Variants in AP2A2 observed in about 807,000 individuals in gnomAD.
AP2A2 encodes the protein AP-2 complex subunit alpha-2.
Under a neutral mutation model 104.2 loss-of-function variants are expected in AP2A2, and 32 were observed. That is an observed-to-expected ratio of 0.31 (90% CI 0.23 to 0.41). The LOEUF (loss-of-function observed/expected upper bound fraction) is 0.41, where lower values mean the gene tolerates loss of function less well. Ranked by LOEUF, AP2A2 falls within the 10% of genes least tolerant of loss-of-function variation. The pLI is 1.00. For missense variants in AP2A2, 912 were observed against 1,261.0 expected, an observed-to-expected ratio of 0.72 and a Z score of 4.19; for synonymous variants, 539 against 533.3, an observed-to-expected ratio of 1.01 and a Z score of -0.15.
At chr11:977,948 C>T (rs1315064606) in intron 5 of AP2A2, among the ~76,000 whole-genome samples, 2 of 152,114 alleles carry the variant, frequency 1.3e-5, no homozygotes, top group Non-Finnish European at 2.9e-5. Flanking sequence ...CCCATCCTGG[C>T]GGGGGAGCCT....
In AP2A2 at chr11:984,911, C is replaced by T. The variant is rs189328495; in HGVS notation, c.814+158C>T. Among the ~76,000 whole-genome samples the T allele has an allele frequency of 8.5e-5, 13 of 152,336 alleles. No homozygotes were observed. In the East Asian group the frequency reaches 1.7e-3, roughly 20 times the overall value. On this transcript the variant is annotated intron_variant, in intron 7 of 21. Coordinates refer to ENST00000448903, the MANE Select transcript of AP2A2 (RefSeq NM_012305.4). ...CAGTGCTGCTGTATGCGCTGGCTTT[C>T]GTGGAGCAGTTATTGCAGAGCCTAC...
At chr11:936,206 CTTT>C (rs982315120) in intron 1 of AP2A2, among the ~76,000 whole-genome samples, 1 of 110,050 alleles carries the variant, frequency 9.1e-6, no homozygotes. Flanking sequence ...TGCGCCTGGC[CTTT>C]TTTTTTTTTT....
At chr11:935,508 G>C (rs1589942703) in intron 1 of AP2A2, among the ~76,000 whole-genome samples, 1 of 151,724 alleles carries the variant, frequency 6.6e-6, no homozygotes. Flanking sequence ...CGCCGTGTTG[G>C]CCAGGCTGGT....
intron 4 of AP2A2, among the ~76,000 whole-genome samples, chr11:974,682 CAA>C (rs747053947): frequency 1.2e-4 from 6 of 49,602 alleles, no homozygotes; most frequent in Admixed American, 2.5e-4. Flanking sequence ...GACTCTGTCT[CAA>C]AAAAAAAAAA....
chr11:988,049 G>A (rs995184803), intron 9 of AP2A2, among the ~76,000 whole-genome samples: 4 of 152,262 alleles, frequency 2.6e-5, no homozygotes, highest in Non-Finnish European at 5.9e-5. Flanking sequence ...CAGTGCTAGC[G>A]CTGGTGGTGC....
At chr11:936,245 T>G (rs1293142810) in intron 1 of AP2A2, among the ~76,000 whole-genome samples, 14 of 144,070 alleles carry the variant, frequency 9.7e-5, no homozygotes, top group Admixed American at 9.7e-4. Flanking sequence ...TATAGGGTCT[T>G]GCTGTCGCCC....
chr11:954,156 C>T (rs1854151808), intron 1 of AP2A2, among the ~76,000 whole-genome samples: 1 of 152,156 alleles, frequency 6.6e-6, no homozygotes, highest in Non-Finnish European at 1.5e-5. Context: ...GACATGATGC[C>T]GTGAGGTTGT....
At chr11:967,719 G>A (rs1854669290) in intron 2 of AP2A2, among the ~76,000 whole-genome samples, 1 of 152,040 alleles carries the variant, frequency 6.6e-6, no homozygotes, top group South Asian at 2.1e-4. Context: ...TAAGGAATAC[G>A]TCTGAGACCA....
chr11:932,767 C>T (rs1853331984), intron 1 of AP2A2: 1 of 456,138 alleles, frequency 2.2e-6, no homozygotes, highest in Non-Finnish European at 4.4e-6. Context: ...TTCCGTCTGG[C>T]TCCTCTGAAG....
chr11:973,342 G>T (rs112374493), intron 4 of AP2A2, among the ~76,000 whole-genome samples: 3 of 152,314 alleles, frequency 2.0e-5, no homozygotes, highest in African/African-American at 7.2e-5. Context: ...CTCCACAACA[G>T]AGAATGAGGC....
chr11:976,534 T>C (rs1364269796), intron 4 of AP2A2, among the ~76,000 whole-genome samples: 6 of 152,078 alleles, frequency 3.9e-5, no homozygotes, highest in Admixed American at 3.3e-4. Flanking sequence ...AAGCGGAGCA[T>C]GGAACACGTC....
At chr11:974,213 A>G (rs1395844102) in intron 4 of AP2A2, among the ~76,000 whole-genome samples, 1 of 151,958 alleles carries the variant, frequency 6.6e-6, no homozygotes, top group Non-Finnish European at 1.5e-5. Flanking sequence ...CTGGTGCCTG[A>G]GTGGTCCCAT....
In AP2A2 at chr11:972,063, G is replaced by A; in HGVS notation, c.281G>A (p.Gly94Asp). 1 of 1,612,236 alleles carries A rather than the reference G, an allele frequency of 6.2e-7. No homozygotes were observed. The highest frequency in any genetic ancestry group is 8.5e-7 in the Non-Finnish European group (1 of 1,179,080). The change falls in exon 4 of 22, where the codon GGC (glycine) becomes GAC (aspartate). Residue 94 changes from glycine to aspartate, a missense_variant and splice_region_variant. By Grantham distance (94) the Gly-to-Asp change is moderately conservative (BLOSUM62 -1). Around this residue, in one of 7 missense-constraint regions of AP2A2, gnomAD observed 350 missense variants for 487.0 expected, o/e 0.72. Transcript: ENST00000448903. ...CTTCTCCTGTCTTTTGGAACGCAGG[G>A]CTACCTTTTCATCTCTGTGTTGGTG... The part of the protein sequence containing the change: ...SSNRYTEKQI[G>D]YLFISVLVNS...
At chr11:939,951 C>CTT (rs145184268) in intron 1 of AP2A2, among the ~76,000 whole-genome samples, 1,346 of 105,996 alleles carry the variant, frequency 0.013, 63 homozygotes, top group African/African-American at 0.039. Flanking sequence ...GTTTTGCTTA[C>CTT]TTTTTTTTTT....
At chr11:973,262 T>A (rs1305361449) in intron 4 of AP2A2, among the ~76,000 whole-genome samples, 2 of 152,150 alleles carry the variant, frequency 1.3e-5, no homozygotes, top group Non-Finnish European at 2.9e-5. Context: ...TACTGGGCCG[T>A]GTCTTGGGGC....
chr11:966,874 T>C (rs1564797972), intron 2 of AP2A2, among the ~76,000 whole-genome samples: 1 of 151,910 alleles, frequency 6.6e-6, no homozygotes, highest in African/African-American at 2.4e-5. Flanking sequence ...TATTTTGTTA[T>C]AAAAAAATAC....
At chr11:949,807 C>G (rs1365535401) in intron 1 of AP2A2, among the ~76,000 whole-genome samples, 1 of 150,090 alleles carries the variant, frequency 6.7e-6, no homozygotes, top group Non-Finnish European at 1.5e-5. Context: ...GGTTTATACA[C>G]CAGATTCGAG....
In AP2A2 at chr11:1,010,537, C is replaced by A; in HGVS notation, c.2743-11C>A. The A allele has an allele frequency of 6.3e-7, 1 of 1,580,972 alleles. No individual in the cohort carries two copies. Among genetic ancestry groups the A allele is most frequent in the East Asian group, 2.3e-5 (1 of 43,408 alleles). On this transcript the variant is annotated splice_polypyrimidine_tract_variant and intron_variant, in intron 21 of 21. Coordinates refer to ENST00000448903, the MANE Select transcript of AP2A2 (RefSeq NM_012305.4). ...GGCGTGCCCGTTGACCTGCTGTGCT[C>A]TCTGTTTCAGATGTACCGGCTCACG... is the stretch of plus-strand genomic sequence containing the variant.
At position 931,802 on chromosome 11, in the gene AP2A2, G is replaced by GTTT. The variant is rs138261185; in HGVS notation, c.67+5731_67+5733dup. 2.7e-3 allele frequency among the ~76,000 whole-genome samples: 332 copies of GTTT among 125,134 alleles called. 5 individuals are homozygous for GTTT. The highest frequency in any genetic ancestry group is 9.5e-3 in the African/African-American group (318 of 33,596). The allele number at this position is 125,134 out of a possible 152,430, so 82.1% of individuals were successfully genotyped here. A position where few individuals can be genotyped will look rare whatever the true frequency, so the allele number is the denominator to read the frequency against. On this transcript the variant is annotated intron_variant, in intron 1 of 21. Transcript: ENST00000448903. Reference sequence around the variant, plus strand: ...TAAAACTTGGTCCCTTCCATTTCTTGTTTTTTTTTTTTTTTTTTTGAGGCA... The same window carrying GTTT: ...TAAAACTTGGTCCCTTCCATTTCTTGTTTTTTTTTTTTTTTTTTTTTTGAGGCA...
Sources: gnomAD v4.1 joint callset for allele counts (sites outside exome capture counted in the v4.1 genomes callset) on GRCh38, gnomAD v4.1.1 for gene constraint, gnomAD v4.1.1 regional missense constraint, MANE v1.5 for transcripts, NCBI Gene and HGNC (gene_info 2026-07-23, HGNC 2026-07-21) for gene names.